Variants in IL15RA observed in about 807,000 individuals in gnomAD.
The protein encoded by IL15RA is interleukin 15 receptor subunit alpha, also known as interleukin-15 receptor subunit alpha.
IL15RA carries 26 observed loss-of-function variants against 24.2 expected under a neutral mutation model. The ratio of observed to expected loss-of-function variants is 1.07; its 90% CI spans 0.79 to 1.49. The LOEUF (loss-of-function observed/expected upper bound fraction) is 1.49, where lower values mean the gene tolerates loss of function less well. IL15RA is among the 40% of genes most tolerant of loss of function. The pLI is 0.00. For synonymous variants in IL15RA, 166 were observed against 157.6 expected, an observed-to-expected ratio of 1.05 and a Z score of -0.40; for missense variants, 354 against 356.4, an observed-to-expected ratio of 0.99 and a Z score of 0.05.
rs1057496513 is a variant in IL15RA, at chr10:5,963,129, C to T, written c.382+614G>A. 1.3e-5 allele frequency among the ~76,000 whole-genome samples: 2 copies of T among 152,230 alleles called. No homozygotes were observed. Among genetic ancestry groups the T allele is most frequent in the African/African-American group, 4.8e-5 (2 of 41,462 alleles). On this transcript the variant is annotated intron_variant, in intron 3 of 6. Coordinates refer to ENST00000379977, the MANE Select transcript of IL15RA (RefSeq NM_002189.4). The surrounding 1 kb of genome is among the most constrained non-coding windows in gnomAD (Gnocchi z 5.3). ...TGGCCCTTTCTCTGGACCATCCTCTCAAGGGTGCTTCTACAGCAAGCGCCT... is the reference window on the plus strand; with the variant it reads ...TGGCCCTTTCTCTGGACCATCCTCTTAAGGGTGCTTCTACAGCAAGCGCCT...
Position 5,961,418 on chromosome 10 carries a change from TG to T in IL15RA, c.383-852del, listed in dbSNP as rs1835501855. Among the ~76,000 whole-genome samples the T allele has an allele frequency of 1.7e-5, 1 of 58,840 alleles. No homozygotes were observed. The highest frequency in any genetic ancestry group is 5.0e-5 in the African/African-American group (1 of 20,156). The allele number at this position is 58,840 out of a possible 152,430, so 38.6% of individuals were successfully genotyped here. On this transcript the variant is annotated intron_variant, in intron 3 of 6. Transcript: ENST00000379977. This position sits in a 1 kb window ranked among gnomAD's most constrained non-coding sequence, Gnocchi z 5.2. ...GACCCCTGTCTCTTAAAAAAAAAGG[TG>T]GGGGGAAGAAAAGAAAAGGTGTCAA...
intron 5 of IL15RA, among the ~76,000 whole-genome samples, chr10:5,956,761 G>A (rs1049291019): frequency 1.1e-4 from 16 of 152,184 alleles, no homozygotes; most frequent in Admixed American, 8.5e-4. Flanking sequence ...AGCAGTAAGA[G>A]CCTCAAGGGC....
At chr10:5,969,945 G>A (rs1165062376) in intron 1 of IL15RA, among the ~76,000 whole-genome samples, 1 of 152,128 alleles carries the variant, frequency 6.6e-6, no homozygotes, top group Admixed American at 6.5e-5. Flanking sequence ...CAAATGGTAT[G>A]ATATTTATTT....
rs1483347367 is a variant in IL15RA at position 5,952,657 on chromosome 10, A to AATT, written c.*437_*438insAAT. The AATT allele has an allele frequency of 1.7e-3, 320 of 192,094 alleles. 1 individual carries two copies. The highest frequency in any genetic ancestry group is 7.2e-3 in the African/African-American group (302 of 42,220). 11.9% of individuals were successfully genotyped at this position (192,094 alleles called of 1,614,324 possible). ...GCCCAAACGCTGGTGTCTTCCCTGT[A>AATT]GACGTCTCCCACGCCAGGAGAAGCC... On this transcript the variant is annotated 3_prime_UTR_variant, in exon 7 of 7. Transcript: ENST00000379977.
rs1321916237 is a variant in IL15RA, at chr10:5,966,828, C to T, written c.89-489G>A. 2.6e-5 allele frequency among the ~76,000 whole-genome samples: 4 copies of T among 152,100 alleles called. No individual in the cohort carries two copies. Among genetic ancestry groups the T allele is most frequent in the Admixed American group, 1.3e-4 (2 of 15,288 alleles). On this transcript the variant is annotated intron_variant, in intron 1 of 6. Coordinates refer to ENST00000379977, the MANE Select transcript of IL15RA (RefSeq NM_002189.4). The surrounding 1 kb of genome is among the most constrained non-coding windows in gnomAD (Gnocchi z 6.4). ...TTTATTAAAAATACAAAAAATTAGCCGGGCGTGGTGGCAGGCGCCTGTAAT... is the reference window on the plus strand; with the variant it reads ...TTTATTAAAAATACAAAAAATTAGCTGGGCGTGGTGGCAGGCGCCTGTAAT...
rs1678884905 is a variant in IL15RA at position 5,973,325 on chromosome 10, A to G, written c.88+4080T>C. Among the ~76,000 whole-genome samples the G allele has an allele frequency of 6.6e-6, 1 of 152,220 alleles. No individual in the cohort carries two copies. Among genetic ancestry groups the G allele is most frequent in the African/African-American group, 2.4e-5 (1 of 41,450 alleles). On this transcript the variant is annotated intron_variant, in intron 1 of 6. Coordinates refer to ENST00000379977, the MANE Select transcript of IL15RA (RefSeq NM_002189.4). This position sits in a 1 kb window ranked among gnomAD's most constrained non-coding sequence, Gnocchi z 4.5. ...TTAATTTCTCTAAGCAATGCTTTGT[A>G]GTTTTCCATATATGAAAGATGTCTT...
intron 1 of IL15RA, chr10:5,969,057 C>T (rs188901605): frequency 2.5e-5 from 30 of 1,204,722 alleles, no homozygotes; most frequent in Middle Eastern, 4.1e-4. Flanking sequence ...ACTCACCAAT[C>T]GATTCCATCG....
chr10:5,960,694 A>G lies in IL15RA; in HGVS notation c.383-127T>C, dbSNP rs1455667252. ...ACCAGCCCTCCCTCTCTCACAGCCA[A>G]CTGCTCCTTGAGAGGGTGACATAGC... is the stretch of plus-strand genomic sequence containing the variant. On this transcript the variant is annotated intron_variant, in intron 3 of 6. Transcript: ENST00000379977. The surrounding 1 kb of genome is among the most constrained non-coding windows in gnomAD (Gnocchi z 5.1). 1 of 753,764 alleles carries G rather than the reference A, an allele frequency of 1.3e-6. No individual in the cohort carries two copies. The highest frequency in any genetic ancestry group is 2.7e-5 in the East Asian group (1 of 37,150). The allele number at this position is 753,764 out of a possible 1,614,324, so 46.7% of individuals were successfully genotyped here.
chr10:5,956,734 G>A (rs746492911), intron 5 of IL15RA, among the ~76,000 whole-genome samples: 17 of 152,174 alleles, frequency 1.1e-4, no homozygotes, highest in East Asian at 1.9e-4. Context: ...GGGCAGGGAC[G>A]GAGCAAGTCA....
In IL15RA at chr10:5,961,891, T is replaced by C. The variant is rs1251275885; in HGVS notation, c.383-1324A>G. Among the ~76,000 whole-genome samples, 1 of 152,206 alleles carries C rather than the reference T, an allele frequency of 6.6e-6. No homozygotes were observed. Among genetic ancestry groups the C allele is most frequent in the African/African-American group, 2.4e-5 (1 of 41,452 alleles). On this transcript the variant is annotated intron_variant, in intron 3 of 6. Coordinates refer to ENST00000379977, the MANE Select transcript of IL15RA (RefSeq NM_002189.4). This position sits in a 1 kb window ranked among gnomAD's most constrained non-coding sequence, Gnocchi z 5.2. The stretch of plus-strand genomic sequence containing the variant: ...GAGAAGGCCTCACGCCCCTTAATCC[T>C]GTGTCACCACCTTTCATATAACTTG...
Position 5,959,598 on chromosome 10 carries a change from T to C in IL15RA, c.616+156A>G. The C allele has an allele frequency of 3.0e-6, 2 of 671,234 alleles. No individual in the cohort carries two copies. The highest frequency in any genetic ancestry group is 2.7e-5 in the East Asian group (1 of 37,184). The allele number at this position is 671,234 out of a possible 1,614,324, so 41.6% of individuals were successfully genotyped here. A position where few individuals can be genotyped will look rare whatever the true frequency, so the allele number is the denominator to read the frequency against. On this transcript the variant is annotated intron_variant, in intron 5 of 6. Coordinates refer to ENST00000379977, the MANE Select transcript of IL15RA (RefSeq NM_002189.4). This position sits in a 1 kb window ranked among gnomAD's most constrained non-coding sequence, Gnocchi z 4.1. ...CAAACAGAGAATTCCATAAATCAGC[T>C]ATTACTTAACTTATTATCTGATGGA...
chr10:5,951,785 AT>A (rs564083826), downstream of IL15RA, among the ~76,000 whole-genome samples: 205 of 152,300 alleles, frequency 1.3e-3, no homozygotes, highest in African/African-American at 4.5e-3. Context: ...AGATCTCGCC[AT>A]TGCACTCCAG....
chr10:5,961,622 G>A lies in IL15RA; in HGVS notation c.383-1055C>T, dbSNP rs1339314418. On this transcript the variant is annotated intron_variant, in intron 3 of 6. Coordinates refer to ENST00000379977, the MANE Select transcript of IL15RA (RefSeq NM_002189.4). The surrounding 1 kb of genome is among the most constrained non-coding windows in gnomAD (Gnocchi z 5.2). Reference sequence around the variant, plus strand: ...GTGTGGGAGGAAAGCGTCCTGATGAGCTTGCTCTCAGGAACAGAGGCTGCC... The same window carrying A: ...GTGTGGGAGGAAAGCGTCCTGATGAACTTGCTCTCAGGAACAGAGGCTGCC... Among the ~76,000 whole-genome samples, 2 of 152,224 alleles carry A rather than the reference G, an allele frequency of 1.3e-5. No individual in the cohort carries two copies. Among genetic ancestry groups the A allele is most frequent in the African/African-American group, 2.4e-5 (1 of 41,474 alleles).
Position 5,970,544 on chromosome 10 carries a change from C to G in IL15RA, c.89-4205G>C, listed in dbSNP as rs1169516598. ...CTTCCATTCTGAACGGTCCTCAAACCAAGATAAATCTGTGAATAGTTAATG... is the reference window on the plus strand; with the variant it reads ...CTTCCATTCTGAACGGTCCTCAAACGAAGATAAATCTGTGAATAGTTAATG... On this transcript the variant is annotated intron_variant, in intron 1 of 6. Transcript: ENST00000379977. The surrounding 1 kb of genome is among the most constrained non-coding windows in gnomAD (Gnocchi z 4.1). Among the ~76,000 whole-genome samples the G allele has an allele frequency of 1.3e-5, 2 of 152,056 alleles. No homozygotes were observed. Among genetic ancestry groups the G allele is most frequent in the African/African-American group, 2.4e-5 (1 of 41,382 alleles).
chr10:5,952,421 A>G lies in IL15RA; in HGVS notation c.*674T>C, dbSNP rs942498101. The G allele has an allele frequency of 6.5e-6, 1 of 152,750 alleles. No individual in the cohort carries two copies. The highest frequency in any genetic ancestry group is 1.5e-5 in the Non-Finnish European group (1 of 68,056). The allele number at this position is 152,750 out of a possible 1,614,324, so 9.5% of individuals were successfully genotyped here. A position where few individuals can be genotyped will look rare whatever the true frequency, so the allele number is the denominator to read the frequency against. The stretch of plus-strand genomic sequence containing the variant: ...ATGTTTTATTTTGTTTATACAAGGT[A>G]CAATGTCAAAATACAAATAATATAT... On this transcript the variant is annotated 3_prime_UTR_variant, in exon 7 of 7. Transcript: ENST00000379977.
downstream of IL15RA, among the ~76,000 whole-genome samples, chr10:5,951,121 G>A (rs41294027): frequency 0.061 from 7,645 of 125,770 alleles, 384 homozygotes; most frequent in African/African-American, 0.15. Flanking sequence ...CAGCCTGGGC[G>A]ACAGAGCAAG....
chr10:5,951,255 G>A (rs538783468), downstream of IL15RA, among the ~76,000 whole-genome samples: 39 of 152,006 alleles, frequency 2.6e-4, no homozygotes, highest in South Asian at 2.1e-4. Flanking sequence ...TGCTTGAGGC[G>A]GAGGTTGCAG....
chr10:5,966,066 C>CCAGG lies in IL15RA; in HGVS notation c.283+78_283+79insCCTG. On this transcript the variant is annotated intron_variant, in intron 2 of 6. Coordinates refer to ENST00000379977, the MANE Select transcript of IL15RA (RefSeq NM_002189.4). The surrounding 1 kb of genome is among the most constrained non-coding windows in gnomAD (Gnocchi z 6.4). ...CAGACCTCAGCACAGATCCCTTGACCCCTGAGATGGGGTCTTCTCTCTGTG... is the reference window on the plus strand; with the variant it reads ...CAGACCTCAGCACAGATCCCTTGACCCAGGCCTGAGATGGGGTCTTCTCTCTGTG... 2 of 1,027,848 alleles carry CCAGG rather than the reference C, an allele frequency of 1.9e-6. No individual in the cohort carries two copies. Among genetic ancestry groups the CCAGG allele is most frequent in the Non-Finnish European group, 3.0e-6 (2 of 676,860 alleles). The allele number at this position is 1,027,848 out of a possible 1,614,324, so 63.7% of individuals were successfully genotyped here.
Position 5,966,242 on chromosome 10 carries a change from A to G in IL15RA, c.186T>C (p.Gly62=). 6.2e-7 allele frequency: 1 copy of G among 1,614,064 alleles called. No individual in the cohort carries two copies. The change falls in exon 2 of 7, where the codon GGT becomes GGC. Residue 62 remains glycine (G), a synonymous_variant. Transcript: ENST00000379977. This position sits in a 1 kb window ranked among gnomAD's most constrained non-coding sequence, Gnocchi z 6.4. ...TGGACGTGCCGGCTTTACGCTTGAA[A>G]CCAGAGTTACAAATGTACCGCTCCC... The part of the protein sequence containing the change: ...YSRERYICNS[G]FKRKAGTSSL...
Sources: allele counts gnomAD v4.1 joint callset (sites outside exome capture counted in the v4.1 genomes callset), GRCh38; gene constraint gnomAD v4.1.1; non-coding constraint Gnocchi (gnomAD v3.1); transcripts MANE v1.5; gene names NCBI Gene and HGNC (gene_info 2026-07-23, HGNC 2026-07-21).